The following GRIK4 variants were observed in gnomAD, a reference collection of about 807,000 sequenced individuals.
GRIK4 encodes glutamate receptor ionotropic, kainate 4.
Under a neutral mutation model 104.9 loss-of-function variants are expected in GRIK4, and 40 were observed. That is an observed-to-expected ratio of 0.38 (90% CI 0.30 to 0.50). GRIK4 has a LOEUF of 0.50. Among genes scored for constraint, GRIK4 ranks in the 20% least tolerant of loss-of-function variants. GRIK4 has a pLI of 0.93. For missense variants in GRIK4, 1,047 were observed against 1,308.1 expected (o/e 0.80, Z 3.08); for synonymous variants, 485 against 524.9 (o/e 0.92, Z 1.04).
chr11:120,865,517 TC>T (rs1954384663), intron 9 of GRIK4, among the ~76,000 whole-genome samples: 1 of 152,172 alleles, frequency 6.6e-6, no homozygotes, highest in Non-Finnish European at 1.5e-5. Context: ...CTCTCACTCT[TC>T]CCCTGGACCA....
chr11:120,871,650 G>A (rs775141943), intron 9 of GRIK4: 3 of 456,244 alleles, frequency 6.6e-6, no homozygotes, highest in South Asian at 1.5e-5. Context: ...CAGGAGACTC[G>A]ACGGAGGCCG....
intron 1 of GRIK4, among the ~76,000 whole-genome samples, chr11:120,601,627 C>CTGT (rs1022300931): frequency 7.1e-5 from 9 of 126,844 alleles, no homozygotes; most frequent in Admixed American, 1.6e-4. Context: ...TTTTTTGGTT[C>CTGT]TGTTGTTGTT....
At chr11:120,959,613 G>A (rs1290245708) in intron 16 of GRIK4, among the ~76,000 whole-genome samples, 1 of 152,176 alleles carries the variant, frequency 6.6e-6, no homozygotes, top group African/African-American at 2.4e-5. Context: ...TGACCAGATG[G>A]GAGAAGGCTT....
At chr11:120,928,604 C>T (rs1027571470) in intron 13 of GRIK4, among the ~76,000 whole-genome samples, 2 of 152,122 alleles carry the variant, frequency 1.3e-5, no homozygotes, top group African/African-American at 4.8e-5. Context: ...CAGCTTGGAC[C>T]TCTGTGCCGC....
intron 4 of GRIK4, among the ~76,000 whole-genome samples, chr11:120,814,722 G>A (rs144012608): frequency 4.9e-4 from 74 of 152,312 alleles, no homozygotes; most frequent in African/African-American, 1.6e-3. Flanking sequence ...CATGCTGGTC[G>A]GTCAGGACGG....
At chr11:120,609,427 A>AT (rs1025130228) in intron 1 of GRIK4, among the ~76,000 whole-genome samples, 5 of 143,072 alleles carry the variant, frequency 3.5e-5, no homozygotes, top group African/African-American at 1.3e-4. Flanking sequence ...TGTTTGAGAC[A>AT]TTTTCCCCCT....
intron 6 of GRIK4, among the ~76,000 whole-genome samples, chr11:120,822,727 G>A (rs550554871): frequency 6.6e-6 from 1 of 152,292 alleles, no homozygotes; most frequent in South Asian, 2.1e-4. Context: ...CGTGTTTTGT[G>A]GACCAGGAGT....
chr11:120,649,413 C>G (rs911950013), intron 1 of GRIK4, among the ~76,000 whole-genome samples: 1 of 152,198 alleles, frequency 6.6e-6, no homozygotes, highest in Admixed American at 6.5e-5. Flanking sequence ...AGTGGGGTCT[C>G]CACCTGGGCA....
chr11:120,518,306 G>A (rs987039581), intron 1 of GRIK4, among the ~76,000 whole-genome samples: 1 of 152,196 alleles, frequency 6.6e-6, no homozygotes, highest in Admixed American at 6.5e-5. Flanking sequence ...GCACGAGTCC[G>A]TGGCAGCAGT....
chr11:120,816,783 C>T (rs1452169890), intron 5 of GRIK4, among the ~76,000 whole-genome samples: 1 of 152,158 alleles, frequency 6.6e-6, no homozygotes, highest in East Asian at 1.9e-4. Flanking sequence ...CGCGTTGGTC[C>T]TGCTCCTCCA....
rs533963473 is a variant in GRIK4 at position 120,986,496 on chromosome 11, C to G, written c.*236C>G. On this transcript the variant is annotated 3_prime_UTR_variant, in exon 21 of 21. Transcript: ENST00000527524. ...CCCAAAGGGCAAAGGACGGCCCTCC[C>G]TCCTGGGCACAAGGACCCATCTTCT... is the stretch of plus-strand genomic sequence containing the variant. 1.3e-5 allele frequency: 7 copies of G among 528,610 alleles called. No individual in the cohort carries two copies. In the East Asian group the frequency reaches 1.9e-4, roughly 14 times the overall value. The allele number at this position is 528,610 out of a possible 1,614,324, so 32.7% of individuals were successfully genotyped here.
chr11:120,861,093 CTTTTTT>C (rs547199127), intron 8 of GRIK4, among the ~76,000 whole-genome samples: 236 of 86,474 alleles, frequency 2.7e-3, no homozygotes, highest in African/African-American at 9.9e-3. Flanking sequence ...AAATCATCCT[CTTTTTT>C]TTTTTTTTTT....
chr11:120,843,281 T>A (rs1400593077), intron 8 of GRIK4, among the ~76,000 whole-genome samples: 2 of 152,254 alleles, frequency 1.3e-5, no homozygotes, highest in Admixed American at 1.3e-4. Context: ...GCCGCTGTGC[T>A]GGAGGGTAGA....
intron 1 of GRIK4, among the ~76,000 whole-genome samples, chr11:120,599,413 CCTCTT>C (rs1346419638): frequency 6.6e-6 from 1 of 152,184 alleles, no homozygotes; most frequent in Non-Finnish European, 1.5e-5. Flanking sequence ...CCATGCCTGC[CCTCTT>C]CTCAGGCTCA....
intron 1 of GRIK4, among the ~76,000 whole-genome samples, chr11:120,635,709 G>T (rs1211442088): frequency 6.6e-6 from 1 of 152,182 alleles, no homozygotes; most frequent in African/African-American, 2.4e-5. Context: ...GATAGCAAAG[G>T]AGCAAGCCAA....
At chr11:120,983,545 C>T (rs1027514099) in intron 20 of GRIK4, among the ~76,000 whole-genome samples, 1 of 152,240 alleles carries the variant, frequency 6.6e-6, no homozygotes, top group Non-Finnish European at 1.5e-5. Flanking sequence ...TTGCGTGGCA[C>T]CCAGCTCTCT....
chr11:120,671,255 C>G (rs1342365438), intron 3 of GRIK4, among the ~76,000 whole-genome samples: 4 of 152,142 alleles, frequency 2.6e-5, no homozygotes, highest in African/African-American at 9.7e-5. Context: ...ATTTCTAGCT[C>G]TAGATCCTTG....
At chr11:120,961,136 C>T in intron 17 of GRIK4, 62 bp downstream of exon 17, 2 of 1,437,350 alleles carry the variant, frequency 1.4e-6, no homozygotes, top group Non-Finnish European at 2.0e-6. Flanking sequence ...TGAGATGTTT[C>T]TCTGCTGGAG....
At chr11:120,515,909 G>A (rs538840785) in intron 1 of GRIK4, among the ~76,000 whole-genome samples, 1 of 152,294 alleles carries the variant, frequency 6.6e-6, no homozygotes, top group African/African-American at 2.4e-5. Flanking sequence ...AGTCAGTCCA[G>A]CTACCCGGCG....
Sources: gnomAD v4.1 joint callset for allele counts (sites outside exome capture counted in the v4.1 genomes callset) on GRCh38, gnomAD v4.1.1 for gene constraint, MANE v1.5 for transcripts, NCBI Gene and HGNC (gene_info 2026-07-23, HGNC 2026-07-21) for gene names.